MACROD2: variants seen among roughly 807,000 people sequenced by gnomAD.
The protein encoded by MACROD2 is mono-ADP ribosylhydrolase 2, also known as ADP-ribose glycohydrolase MACROD2.
MACROD2 carries 36 observed loss-of-function variants against 70.4 expected under a neutral mutation model. That is an observed-to-expected ratio of 0.51 (90% CI 0.39 to 0.68). The LOEUF (loss-of-function observed/expected upper bound fraction) is 0.68. Among genes scored for constraint, MACROD2 ranks in the 30% least tolerant of loss-of-function variants. The probability of loss-of-function intolerance (pLI) is 0.00; values close to 1 mark genes in which losing one functional copy is unlikely to be tolerated. For synonymous variants in MACROD2, 172 were observed against 178.8 expected (o/e 0.96, Z 0.30); for missense variants, 496 against 538.4 (o/e 0.92, Z 0.78).
intron 3 of MACROD2, among the ~76,000 whole-genome samples, chr20:14,201,381 G>A (rs992685594): frequency 1.3e-5 from 2 of 152,048 alleles, no homozygotes; most frequent in African/African-American, 2.4e-5. Context: ...TTATAGTTAG[G>A]CTCATAAACC....
chr20:15,286,346 GA>G (rs2077491124), intron 6 of MACROD2, among the ~76,000 whole-genome samples: 4 of 152,284 alleles, frequency 2.6e-5, no homozygotes, highest in African/African-American at 2.4e-5. Flanking sequence ...CATGCTTCTT[GA>G]ATAAGGAAGT....
chr20:15,825,548 G>T (rs2063988401), intron 8 of MACROD2, among the ~76,000 whole-genome samples: 1 of 151,832 alleles, frequency 6.6e-6, no homozygotes, highest in African/African-American at 2.4e-5. Flanking sequence ...GCCCAGGTTG[G>T]AGTACAGTGG....
chr20:15,585,836 T>G (rs2146656739), intron 8 of MACROD2, among the ~76,000 whole-genome samples: 1 of 152,206 alleles, frequency 6.6e-6, no homozygotes, highest in Middle Eastern at 3.4e-3. Context: ...AATTTGTATC[T>G]CAGGGTGTGC....
At chr20:15,960,619 A>C (rs2147389922) in intron 12 of MACROD2, among the ~76,000 whole-genome samples, 1 of 152,268 alleles carries the variant, frequency 6.6e-6, no homozygotes, top group South Asian at 2.1e-4. Flanking sequence ...TTAATGATCA[A>C]GTTACTGCTG....
intron 3 of MACROD2, among the ~76,000 whole-genome samples, chr20:14,100,947 G>A (rs751984267): frequency 1.2e-4 from 18 of 148,534 alleles, no homozygotes; most frequent in South Asian, 4.2e-4. Flanking sequence ...CATCTTTACC[G>A]TATTGTCCTC....
rs755700649 is a variant in MACROD2, at chr20:15,322,799, T to C, written c.540+92738T>C. On this transcript the variant is annotated intron_variant, in intron 6 of 17. Coordinates refer to ENST00000684519, the MANE Select transcript of MACROD2 (RefSeq NM_001351661.2). ...CTTTTTCCTCTTTTGTTGTGAATTC[T>C]CTTTTTATAATAGAAGCATGAAAAA... Among the ~76,000 whole-genome samples, 7 of 144,424 alleles carry C rather than the reference T, an allele frequency of 4.8e-5. 1 individual carries two copies. Among genetic ancestry groups the C allele is most frequent in the Non-Finnish European group, 9.4e-5 (6 of 63,828 alleles). The allele number at this position is 144,424 out of a possible 152,430, so 94.7% of individuals were successfully genotyped here. A position where few individuals can be genotyped will look rare whatever the true frequency, so the allele number is the denominator to read the frequency against.
chr20:15,156,617 T>C (rs1043276287), intron 5 of MACROD2, among the ~76,000 whole-genome samples: 2 of 152,182 alleles, frequency 1.3e-5, no homozygotes, highest in African/African-American at 4.8e-5. Context: ...GCTCATCCTA[T>C]ACAGTATTTC....
chr20:15,247,699 CA>C (rs1426408961), intron 6 of MACROD2, among the ~76,000 whole-genome samples: 1 of 151,700 alleles, frequency 6.6e-6, no homozygotes, highest in Non-Finnish European at 1.5e-5. Context: ...TGAGCTTTGA[CA>C]GATTTTTTTT....
intron 15 of MACROD2, among the ~76,000 whole-genome samples, chr20:16,006,377 T>C (rs892634346): frequency 2.0e-5 from 3 of 152,206 alleles, no homozygotes; most frequent in Non-Finnish European, 4.4e-5. Context: ...CTTTATCCTT[T>C]GGTTGTTGGA....
At chr20:15,578,362 T>C (rs1360792305) in intron 8 of MACROD2, among the ~76,000 whole-genome samples, 1 of 152,196 alleles carries the variant, frequency 6.6e-6, no homozygotes, top group East Asian at 1.9e-4. Context: ...TTAGAACATA[T>C]TAACATCTTT....
At chr20:14,039,750 T>C (rs1230469720) in intron 2 of MACROD2, among the ~76,000 whole-genome samples, 1 of 151,940 alleles carries the variant, frequency 6.6e-6, no homozygotes, top group African/African-American at 2.4e-5. Context: ...GATATTGATA[T>C]AATTGTCTTT....
At chr20:14,997,173 G>A (rs2074957047) in intron 5 of MACROD2, among the ~76,000 whole-genome samples, 1 of 152,118 alleles carries the variant, frequency 6.6e-6, no homozygotes, top group Non-Finnish European at 1.5e-5. Flanking sequence ...AAGGAGTGGG[G>A]AGAATAAAGA....
intron 6 of MACROD2, among the ~76,000 whole-genome samples, chr20:15,332,917 G>A (rs2078008343): frequency 2.0e-5 from 3 of 148,246 alleles, no homozygotes. Context: ...TCTGCCTTTA[G>A]CAAGGAGGAA....
intron 4 of MACROD2, among the ~76,000 whole-genome samples, chr20:14,628,171 A>T (rs991048015): frequency 3.9e-5 from 6 of 152,200 alleles, no homozygotes; most frequent in Non-Finnish European, 5.9e-5. Context: ...TTAGGATCAG[A>T]CCAAGGAGTG....
chr20:14,054,300 A>C (rs1373155391), intron 2 of MACROD2, among the ~76,000 whole-genome samples: 1 of 151,878 alleles, frequency 6.6e-6, no homozygotes, highest in East Asian at 1.9e-4. Flanking sequence ...GATGAGGAGG[A>C]ATTCCAAAAG....
chr20:15,948,382 CAAAAAAAAAAA>C (rs71192307), intron 12 of MACROD2, among the ~76,000 whole-genome samples: 1 of 43,128 alleles, frequency 2.3e-5, no homozygotes, highest in Non-Finnish European at 4.7e-5. Flanking sequence ...CTTGCAACTG[CAAAAAAAAAAA>C]AAAAAAAAAA....
In MACROD2 at chr20:15,518,338, A is replaced by G. The variant is rs138831481; in HGVS notation, c.645+18491A>G. ...GTGGTGGCAACAGGACAAGTCTTCA[A>G]AATAGCTTGTGAATGATTTATTTTG... On this transcript the variant is annotated intron_variant, in intron 8 of 17. Coordinates refer to ENST00000684519, the MANE Select transcript of MACROD2 (RefSeq NM_001351661.2). Among the ~76,000 whole-genome samples the G allele has an allele frequency of 2.2e-4, 34 of 152,362 alleles. No individual in the cohort carries two copies. The East Asian group carries it at 6.0e-3, about 27-fold the overall frequency.
intron 5 of MACROD2, among the ~76,000 whole-genome samples, chr20:15,118,165 T>C (rs1443860310): frequency 6.6e-6 from 1 of 151,484 alleles, no homozygotes; most frequent in African/African-American, 2.4e-5. Context: ...AGCCAAGCAG[T>C]GCATCTAAAG....
rs976470633 is a variant in MACROD2, at chr20:15,656,050, G to A, written c.645+156203G>A. ...ATTTCTCCAGTGATCTAGTAACTCCGTGGTGGATTTAACTCCCCTATTGTT... is the reference window on the plus strand; with the variant it reads ...ATTTCTCCAGTGATCTAGTAACTCCATGGTGGATTTAACTCCCCTATTGTT... On this transcript the variant is annotated intron_variant, in intron 8 of 17. Transcript: ENST00000684519. 1.1e-4 allele frequency among the ~76,000 whole-genome samples: 17 copies of A among 152,056 alleles called. 1 individual carries two copies. Among genetic ancestry groups the A allele is most frequent in the African/African-American group, 4.1e-4 (17 of 41,412 alleles).
Sources: gnomAD v4.1 joint callset for allele counts (sites outside exome capture counted in the v4.1 genomes callset) on GRCh38, gnomAD v4.1.1 for gene constraint, MANE v1.5 for transcripts, NCBI Gene and HGNC (gene_info 2026-07-23, HGNC 2026-07-21) for gene names.